The following TOM1L1 variants were observed in gnomAD, a reference collection of about 807,000 sequenced individuals.
The protein encoded by TOM1L1 is TOM1-like protein 1.
TOM1L1 carries 64 observed loss-of-function variants against 63.4 expected under a neutral mutation model. The observed-to-expected ratio is 1.01, with a 90% CI of 0.83 to 1.24. The LOEUF is 1.24. Among genes scored for constraint, TOM1L1 ranks in the 50% most tolerant of loss-of-function variants. TOM1L1 has a pLI of 0.00. For synonymous variants in TOM1L1, 166 were observed against 194.4 expected (o/e 0.85, Z 1.22); for missense variants, 536 against 567.0 (o/e 0.95, Z 0.55).
At chr17:54,913,527 G>A (rs533447070) in intron 4 of TOM1L1, among the ~76,000 whole-genome samples, 96 of 152,194 alleles carry the variant, frequency 6.3e-4, no homozygotes, top group African/African-American at 2.2e-3. Flanking sequence ...TAAGCCAGGC[G>A]TGGTGGCGGG....
At chr17:54,948,583 A>G (rs759756327) in intron 12 of TOM1L1, among the ~76,000 whole-genome samples, 1 of 152,092 alleles carries the variant, frequency 6.6e-6, no homozygotes, top group Non-Finnish European at 1.5e-5. Flanking sequence ...CTATTAGAGC[A>G]GTATTCCACC....
intron 14 of TOM1L1, chr17:54,954,367 A>C (rs963420686): frequency 5.3e-5 from 8 of 152,228 alleles, no homozygotes; most frequent in Non-Finnish European, 8.8e-5. Flanking sequence ...CATAGACCCG[A>C]GCAAAACCTC....
chr17:54,948,486 C>A (rs1254233145), intron 12 of TOM1L1, among the ~76,000 whole-genome samples: 1 of 152,200 alleles, frequency 6.6e-6, no homozygotes, highest in Non-Finnish European at 1.5e-5. Flanking sequence ...AGACTGTGAA[C>A]TTGTGTCCTC....
At chr17:54,911,845 G>T (rs1419647676) in intron 3 of TOM1L1, among the ~76,000 whole-genome samples, 4 of 152,148 alleles carry the variant, frequency 2.6e-5, no homozygotes, top group African/African-American at 9.7e-5. Flanking sequence ...TCAGGGTACA[G>T]GTGTGATGGT....
In TOM1L1 at chr17:54,947,279, C is replaced by T; in HGVS notation, c.1149C>T (p.Ser383=). The change falls in exon 12 of 16, where the codon AGC becomes AGT. Residue 383 remains serine, a synonymous_variant. Transcript: ENST00000575882. Reference sequence around the variant, plus strand: ...ATCCTAGGTTTGCCCAAAGGACCAGCCAAAACCTCACCTCAAGCCACGCAT... The same window carrying T: ...ATCCTAGGTTTGCCCAAAGGACCAGTCAAAACCTCACCTCAAGCCACGCAT... ...TEIPPFAQRT[S]QNLTSSHAYD... is the part of the protein sequence containing the mutation. 1.9e-6 allele frequency: 3 copies of T among 1,614,138 alleles called. No individual in the cohort carries two copies. The highest frequency in any genetic ancestry group is 1.7e-6 in the Non-Finnish European group (2 of 1,180,018).
At chr17:54,937,293 A>G in intron 10 of TOM1L1, 67 bp downstream of exon 10, 1 of 1,234,544 alleles carries the variant, frequency 8.1e-7, no homozygotes, top group Non-Finnish European at 1.2e-6. Flanking sequence ...CTCCTTAATT[A>G]CGTGATTAAA....
In TOM1L1 at chr17:54,943,886, G is replaced by A. The variant is rs554059003; in HGVS notation, c.1131-3375G>A. On this transcript the variant is annotated intron_variant, in intron 11 of 15. Transcript: ENST00000575882. ...CCAGCTACTCAGAGACTAAGGCAGG[G>A]GAATCACTTGAACCCGGGAGGCGGA... Among the ~76,000 whole-genome samples, 87 of 151,852 alleles carry A rather than the reference G, an allele frequency of 5.7e-4. 1 individual carries two copies. Among genetic ancestry groups the A allele is most frequent in the African/African-American group, 2.1e-3 (86 of 41,404 alleles).
chr17:54,910,908 A>C (rs966282722), intron 3 of TOM1L1, among the ~76,000 whole-genome samples: 6 of 152,240 alleles, frequency 3.9e-5, no homozygotes, highest in Admixed American at 3.9e-4. Context: ...CTAAAAATAC[A>C]AAGCATGGCA....
chr17:54,913,891 G>T lies in TOM1L1; in HGVS notation c.498+18G>T. ...GACAAGAGGTAGGAGGCCTTTCTTT[G>T]ACCCATGGAGACTATAGTAGTGTAT... On this transcript the variant is annotated intron_variant, in intron 5 of 15. Transcript: ENST00000575882. 2 of 1,598,072 alleles carry T rather than the reference G, an allele frequency of 1.3e-6. No homozygotes were observed. Among genetic ancestry groups the T allele is most frequent in the South Asian group, 2.2e-5 (2 of 90,542 alleles).
At chr17:54,932,547 A>G (rs1443390316) in intron 8 of TOM1L1, among the ~76,000 whole-genome samples, 4 of 152,080 alleles carry the variant, frequency 2.6e-5, no homozygotes, top group Admixed American at 2.6e-4. Flanking sequence ...AAGCCTCCCA[A>G]GTAGCTGGGA....
At chr17:54,930,714 T>C (rs1416024860) in intron 8 of TOM1L1, among the ~76,000 whole-genome samples, 3 of 152,066 alleles carry the variant, frequency 2.0e-5, no homozygotes, top group Non-Finnish European at 4.4e-5. Flanking sequence ...TGGTCGCGCA[T>C]GCCTGTAGAC....
At chr17:54,915,650 G>C in intron 6 of TOM1L1, 96 bp from the exon 7 acceptor site, 1 of 792,496 alleles carries the variant, frequency 1.3e-6, no homozygotes, top group Non-Finnish European at 1.9e-6. Flanking sequence ...TTTTGCAAAA[G>C]CATTTTTTCA....
At chr17:54,906,104 A>G (rs2048403961) in intron 3 of TOM1L1, among the ~76,000 whole-genome samples, 1 of 152,160 alleles carries the variant, frequency 6.6e-6, no homozygotes, top group South Asian at 2.1e-4. Flanking sequence ...CAGGAATTCA[A>G]GATGGCAACG....
chr17:54,940,058 A>C (rs1191673811), intron 11 of TOM1L1, among the ~76,000 whole-genome samples: 1 of 152,052 alleles, frequency 6.6e-6, no homozygotes, highest in East Asian at 1.9e-4. Flanking sequence ...CCAATGCCCA[A>C]CTAATTTTTG....
chr17:54,904,942 G>A (rs1449518012), intron 2 of TOM1L1, among the ~76,000 whole-genome samples: 2 of 152,042 alleles, frequency 1.3e-5, no homozygotes, highest in East Asian at 3.9e-4. Context: ...GTTCCTCTGG[G>A]AACATTTTCA....
chr17:54,907,045 C>G (rs2143740077), intron 3 of TOM1L1, among the ~76,000 whole-genome samples: 1 of 152,220 alleles, frequency 6.6e-6, no homozygotes, highest in South Asian at 2.1e-4. Flanking sequence ...CTTGCATAGG[C>G]TCGCTGAATA....
intron 8 of TOM1L1, among the ~76,000 whole-genome samples, chr17:54,931,668 T>C (rs2048860363): frequency 1.3e-5 from 2 of 152,158 alleles, no homozygotes; most frequent in Admixed American, 1.3e-4. Flanking sequence ...CCAGGCATGG[T>C]GACACACGCC....
In TOM1L1 at chr17:54,936,716, G is replaced by C. The variant is rs1296727423; in HGVS notation, c.915+7G>C. On this transcript the variant is annotated splice_region_variant and intron_variant, in intron 9 of 15. Transcript: ENST00000575882. ...CCAGAAGGAAGCCACCAATGTAAGTGATGAGAAATGTTATAAAATAAACAA... is the reference window on the plus strand; with the variant it reads ...CCAGAAGGAAGCCACCAATGTAAGTCATGAGAAATGTTATAAAATAAACAA... The C allele has an allele frequency of 6.2e-7, 1 of 1,600,720 alleles. No individual in the cohort carries two copies. Among genetic ancestry groups the C allele is most frequent in the Non-Finnish European group, 8.5e-7 (1 of 1,175,818 alleles).
chr17:54,915,521 A>G (rs1267446915), intron 6 of TOM1L1, among the ~76,000 whole-genome samples: 1 of 151,896 alleles, frequency 6.6e-6, no homozygotes, highest in African/African-American at 2.4e-5. Flanking sequence ...TTCCTAAAGC[A>G]TATTTTGGGG....
Sources: gnomAD v4.1 joint callset for allele counts (sites outside exome capture counted in the v4.1 genomes callset) on GRCh38, gnomAD v4.1.1 for gene constraint, MANE v1.5 for transcripts, NCBI Gene and HGNC (gene_info 2026-07-23, HGNC 2026-07-21) for gene names.